The following KAZN variants were observed in gnomAD, a reference collection of about 807,000 sequenced individuals.
KAZN encodes the protein kazrin, periplakin interacting protein.
In KAZN, 40 loss-of-function variants were observed where a neutral mutation model predicts 87.4. That is an observed-to-expected ratio of 0.46 (90% CI 0.36 to 0.60). The LOEUF (loss-of-function observed/expected upper bound fraction) is 0.60. Ranked by LOEUF, KAZN falls within the 20% of genes least tolerant of loss-of-function variation. KAZN has a pLI of 0.00. For synonymous variants in KAZN, 466 were observed against 458.3 expected (o/e 1.02, Z -0.22); for missense variants, 898 against 1,073.9 (o/e 0.84, Z 2.29).
At chr1:14,027,514 A>G (rs1641131951) in intron 1 of KAZN, among the ~76,000 whole-genome samples, 1 of 152,188 alleles carries the variant, frequency 6.6e-6, no homozygotes, top group Non-Finnish European at 1.5e-5. Flanking sequence ...ACACCCATTA[A>G]TTAACTCCAG....
At chr1:14,576,601 T>C (rs931168770) in intron 2 of KAZN, among the ~76,000 whole-genome samples, 2 of 152,196 alleles carry the variant, frequency 1.3e-5, no homozygotes, top group African/African-American at 4.8e-5. Flanking sequence ...ATAAATTGAT[T>C]AGTGCTAAAA....
intron 2 of KAZN, among the ~76,000 whole-genome samples, chr1:14,399,307 G>A (rs892244878): frequency 5.5e-4 from 84 of 152,082 alleles, no homozygotes; most frequent in African/African-American, 1.9e-3. Flanking sequence ...ATGGGCCACC[G>A]CACTCAACCC....
At position 14,113,362 on chromosome 1, in the gene KAZN, C is replaced by T. The variant is rs1229245170; in HGVS notation, c.92-67073C>T. Among the ~76,000 whole-genome samples, 3 of 152,312 alleles carry T rather than the reference C, an allele frequency of 2.0e-5. No individual in the cohort carries two copies. The East Asian group carries it at 5.8e-4, about 29-fold the overall frequency. ...ATGACTGGGTGGGAAGAGCCAGCGT[C>T]ACACCACATTCTCAGCTGAGTTTTC... On this transcript the variant is annotated intron_variant, in intron 1 of 16. Coordinates refer to the KAZN transcript ENST00000636203.
At position 15,094,258 on chromosome 1, in the gene KAZN, A is replaced by G. The variant is rs780740521; in HGVS notation, c.1301A>G (p.Gln434Arg). 14 of 1,613,826 alleles carry G rather than the reference A, an allele frequency of 8.7e-6. No individual in the cohort carries two copies. The Admixed American group carries it at 2.3e-4, about 27-fold the overall frequency. Residue 434 changes from glutamine to arginine, a missense_variant, in exon 9 of 15, where the codon CAG becomes CGG. Coordinates refer to ENST00000376030, the MANE Select transcript of KAZN (RefSeq NM_201628.3). The surrounding 1 kb of genome is among the most constrained non-coding windows in gnomAD (Gnocchi z 4.5). ...GAGGAGCAGATGGACCGGCTGCAGC[A>G]GGTGGAGCTGGTGAGGACCACCCCT... is the stretch of plus-strand genomic sequence containing the variant. ...EGEEQMDRLQ[Q>R]VELVRTTPMS...
At chr1:14,133,384 AGAAAGAAAGAAAGAAAGAAAGAAAG>A (rs1645038314) in intron 1 of KAZN, among the ~76,000 whole-genome samples, 2 of 27,882 alleles carry the variant, frequency 7.2e-5, no homozygotes, top group African/African-American at 5.6e-4. Context: ...AAAAAAAGAA[AGAAAGAAAGAAAGAAAGAAAGAAAG>A]AAAGAAAGAA....
intron 2 of KAZN, among the ~76,000 whole-genome samples, chr1:14,429,763 GTCA>G (rs1280178090): frequency 6.6e-6 from 1 of 152,086 alleles, no homozygotes; most frequent in Non-Finnish European, 1.5e-5. Context: ...CGTCGTCGTC[GTCA>G]TCATCATCGT....
At chr1:15,064,253 C>T (rs891778035) in intron 7 of KAZN, among the ~76,000 whole-genome samples, 1 of 152,180 alleles carries the variant, frequency 6.6e-6, no homozygotes. Flanking sequence ...CTGGGCTCCC[C>T]ACCTGTGGGT....
intron 1 of KAZN, among the ~76,000 whole-genome samples, chr1:14,058,877 T>C (rs80186416): frequency 0.053 from 8,091 of 152,206 alleles, 589 homozygotes; most frequent in African/African-American, 0.16. Flanking sequence ...AGGATCAGCA[T>C]GTGCAAAGGC....
intron 1 of KAZN, among the ~76,000 whole-genome samples, chr1:14,722,307 G>A (rs992030721): frequency 2.6e-5 from 4 of 152,218 alleles, no homozygotes; most frequent in Admixed American, 6.5e-5. Flanking sequence ...CCATCACAGG[G>A]CAAATGTGAT....
chr1:14,641,100 C>A (rs532907797), intron 1 of KAZN, among the ~76,000 whole-genome samples: 6 of 152,192 alleles, frequency 3.9e-5, no homozygotes, highest in Non-Finnish European at 5.9e-5. Context: ...AACATTGAAG[C>A]AATTCCACTG....
chr1:14,194,777 A>G (rs1646492383), intron 2 of KAZN, among the ~76,000 whole-genome samples: 2 of 152,208 alleles, frequency 1.3e-5, no homozygotes, highest in South Asian at 4.1e-4. Context: ...AGAGCAGCTG[A>G]AGGGAGGGGA....
intron 2 of KAZN, among the ~76,000 whole-genome samples, chr1:14,471,538 C>T (rs1234449651): frequency 3.9e-5 from 6 of 152,008 alleles, no homozygotes; most frequent in Admixed American, 1.3e-4. Flanking sequence ...CATTGGGGAA[C>T]GTTGAGTAGA....
chr1:15,074,664 A>G (rs1457324593), intron 8 of KAZN, among the ~76,000 whole-genome samples: 1 of 152,046 alleles, frequency 6.6e-6, no homozygotes, highest in African/African-American at 2.4e-5. Flanking sequence ...GGTCACAGCG[A>G]TTTACAGTTC....
rs140748881 is a variant in KAZN at position 14,428,449 on chromosome 1, A to C, written c.250-170534A>C. On this transcript the variant is annotated intron_variant, in intron 2 of 16. Coordinates refer to the KAZN transcript ENST00000636203. ...ATAAAAAATAGATATATTCAATCAG[A>C]TCAAACAAGAATTTGATACAAATAA... 3.2e-3 allele frequency among the ~76,000 whole-genome samples: 488 copies of C among 152,360 alleles called. 8 individuals are homozygous for C. The highest frequency in any genetic ancestry group is 5.0e-3 in the Non-Finnish European group (340 of 68,036).
At chr1:14,366,198 T>C (rs1659982084) in intron 2 of KAZN, among the ~76,000 whole-genome samples, 1 of 152,206 alleles carries the variant, frequency 6.6e-6, no homozygotes, top group African/African-American at 2.4e-5. Context: ...TTCATAAAAG[T>C]CTGTGGAAAT....
At chr1:14,451,010 T>G (rs915664889) in intron 2 of KAZN, among the ~76,000 whole-genome samples, 2 of 152,084 alleles carry the variant, frequency 1.3e-5, no homozygotes, top group Non-Finnish European at 1.5e-5. Context: ...CTCACTTTCT[T>G]GCTCCCTCTC....
intron 7 of KAZN, among the ~76,000 whole-genome samples, chr1:15,064,801 C>T (rs1170639207): frequency 6.6e-6 from 1 of 152,220 alleles, no homozygotes; most frequent in Non-Finnish European, 1.5e-5. Flanking sequence ...CCTGGCACGG[C>T]AGACAGGGCC....
At chr1:14,085,200 C>T (rs1004216436) in intron 1 of KAZN, among the ~76,000 whole-genome samples, 1 of 152,164 alleles carries the variant, frequency 6.6e-6, no homozygotes, top group Non-Finnish European at 1.5e-5. Context: ...CTATTTTGAA[C>T]TCATTGTAAT....
At chr1:14,227,882 T>C (rs962061548) in intron 2 of KAZN, among the ~76,000 whole-genome samples, 4 of 152,190 alleles carry the variant, frequency 2.6e-5, no homozygotes. Flanking sequence ...TTAGACTATA[T>C]ACACACCGTT....
Sources: allele counts gnomAD v4.1 joint callset (sites outside exome capture counted in the v4.1 genomes callset), GRCh38; gene constraint gnomAD v4.1.1; non-coding constraint Gnocchi (gnomAD v3.1); transcripts MANE v1.5; gene names NCBI Gene and HGNC (gene_info 2026-07-23, HGNC 2026-07-21).